FHIT: variants seen among roughly 807,000 people sequenced by gnomAD.
FHIT encodes the protein bis(5'-adenosyl)-triphosphatase.
A neutral mutation model predicts 17.9 loss-of-function variants in FHIT; 19 were observed. That is an observed-to-expected ratio of 1.06 (90% CI 0.74 to 1.56). The LOEUF (loss-of-function observed/expected upper bound fraction) is 1.56, where lower values mean the gene tolerates loss of function less well. Among genes scored for constraint, FHIT ranks in the 40% most tolerant of loss-of-function variants. FHIT has a pLI of 0.00. For missense variants in FHIT, 248 were observed against 189.2 expected, an observed-to-expected ratio of 1.31 and a Z score of -1.82; for synonymous variants, 81 against 69.7, an observed-to-expected ratio of 1.16 and a Z score of -0.81.
chr3:61,207,432 G>A (rs2039282516), intron 1 of FHIT, among the ~76,000 whole-genome samples: 1 of 152,192 alleles, frequency 6.6e-6, no homozygotes, highest in Non-Finnish European at 1.5e-5. Flanking sequence ...GAATTCAGCT[G>A]TGAATCCATC....
Position 60,542,651 on chromosome 3 carries a change from T to A in FHIT, c.-17-5672A>T, listed in dbSNP as rs1056250366. 3.9e-5 allele frequency among the ~76,000 whole-genome samples: 6 copies of A among 152,210 alleles called. No homozygotes were observed. The South Asian group carries it at 1.2e-3, about 32-fold the overall frequency. Reference sequence around the variant, plus strand: ...TTCTAATTTTGTAGAGTCCCTTGTATATTCTAAATATTGATCATGGTCTAT... The same window carrying A: ...TTCTAATTTTGTAGAGTCCCTTGTAAATTCTAAATATTGATCATGGTCTAT... On this transcript the variant is annotated intron_variant, in intron 4 of 9. Transcript: ENST00000492590.
chr3:60,957,799 C>A (rs1385210999), intron 3 of FHIT, among the ~76,000 whole-genome samples: 1 of 152,184 alleles, frequency 6.6e-6, no homozygotes, highest in Non-Finnish European at 1.5e-5. Flanking sequence ...TGGTGCCTAA[C>A]CACAGCACAA....
At chr3:59,974,617 T>C (rs1050185294) in intron 7 of FHIT, among the ~76,000 whole-genome samples, 5 of 152,130 alleles carry the variant, frequency 3.3e-5, no homozygotes, top group Non-Finnish European at 7.4e-5. Flanking sequence ...GATGAGTCTA[T>C]GTAAAGGCAA....
At chr3:60,281,612 A>G (rs559909413) in intron 5 of FHIT, among the ~76,000 whole-genome samples, 2 of 99,998 alleles carry the variant, frequency 2.0e-5, no homozygotes, top group Admixed American at 1.1e-4. Flanking sequence ...CTGGACATCC[A>G]TATGCCAAAA....
At chr3:60,222,977 T>TG (rs1189175097) in intron 5 of FHIT, among the ~76,000 whole-genome samples, 1 of 152,242 alleles carries the variant, frequency 6.6e-6, no homozygotes, top group East Asian at 1.9e-4. Context: ...ATAAAGAGTT[T>TG]GCTAGGACTA....
intron 5 of FHIT, among the ~76,000 whole-genome samples, chr3:60,474,910 ACCG>A (rs1354486310): frequency 1.3e-5 from 2 of 152,172 alleles, no homozygotes; most frequent in Non-Finnish European, 2.9e-5. Flanking sequence ...GGCGTGAGCC[ACCG>A]CACCTGGCCA....
chr3:61,104,859 C>T (rs972068648), intron 2 of FHIT, among the ~76,000 whole-genome samples: 4 of 152,040 alleles, frequency 2.6e-5, no homozygotes, highest in Admixed American at 6.6e-5. Context: ...GTCTATTCTA[C>T]TATTAATACT....
rs1700705750 is a variant in FHIT at position 59,748,224 on chromosome 3, A to G, written c.*1361T>C. 6.6e-6 allele frequency among the ~76,000 whole-genome samples: 1 copy of G among 152,164 alleles called. No individual in the cohort carries two copies. Among genetic ancestry groups the G allele is most frequent in the East Asian group, 1.9e-4 (1 of 5,192 alleles). On this transcript the variant is annotated 3_prime_UTR_variant, in exon 10 of 10. Coordinates refer to ENST00000492590, the MANE Select transcript of FHIT (RefSeq NM_002012.4). ...GGCTGAAATATAAAGTTTAAGATAT[A>G]TATACTAAAATTCAAAAAGTGAATC...
intron 2 of FHIT, among the ~76,000 whole-genome samples, chr3:61,087,421 T>A (rs2035340303): frequency 6.6e-6 from 1 of 152,128 alleles, no homozygotes; most frequent in African/African-American, 2.4e-5. Flanking sequence ...ACTTTCCAGA[T>A]GTATAACTTC....
Position 60,173,915 on chromosome 3 carries a change from A to ATATATATATATATATTTTTTTTTT in FHIT, c.104-159764_104-159763insAAAAAAAAAATATATATATATATA. ...TATATATATATATATATATATATAT[A>ATATATATATATATATTTTTTTTTT]TGTTTTTTTTTTTTTTTGAGATCGA... On this transcript the variant is annotated intron_variant, in intron 5 of 9. Coordinates refer to ENST00000492590, the MANE Select transcript of FHIT (RefSeq NM_002012.4). Among the ~76,000 whole-genome samples the ATATATATATATATATTTTTTTTTT allele has an allele frequency of 7.4e-4, 49 of 66,410 alleles. 1 individual carries two copies. Among genetic ancestry groups the ATATATATATATATATTTTTTTTTT allele is most frequent in the Admixed American group, 1.1e-3 (5 of 4,714 alleles). 43.6% of individuals were successfully genotyped at this position (66,410 alleles called of 152,430 possible).
At chr3:61,078,531 C>A (rs1345184075) in intron 2 of FHIT, among the ~76,000 whole-genome samples, 1 of 152,186 alleles carries the variant, frequency 6.6e-6, no homozygotes, top group African/African-American at 2.4e-5. Flanking sequence ...AATGCTTCAT[C>A]CATCACTTCC....
chr3:60,519,387 A>G lies in FHIT; in HGVS notation c.103+17473T>C, dbSNP rs971484347. On this transcript the variant is annotated intron_variant, in intron 5 of 9. Transcript: ENST00000492590. ...CACCAAATAGTTTGAATATATTTAC[A>G]GTTGGCCCTTGAACAATTAAGGGGC... 3.3e-5 allele frequency among the ~76,000 whole-genome samples: 5 copies of G among 152,336 alleles called. No individual in the cohort carries two copies. The East Asian group carries it at 9.7e-4, about 29-fold the overall frequency.
chr3:60,670,638 G>A (rs2040484669), intron 4 of FHIT, among the ~76,000 whole-genome samples: 3 of 152,298 alleles, frequency 2.0e-5, no homozygotes, highest in South Asian at 4.1e-4. Context: ...GCACTTTGTA[G>A]GGGTGTAATC....
intron 4 of FHIT, among the ~76,000 whole-genome samples, chr3:60,577,217 G>T (rs1371885607): frequency 2.6e-5 from 4 of 152,090 alleles, no homozygotes; most frequent in African/African-American, 4.8e-5. Flanking sequence ...CACTGAGCTA[G>T]TTCAGGGAAC....
chr3:60,992,875 A>T (rs2030357188), intron 3 of FHIT, among the ~76,000 whole-genome samples: 1 of 152,194 alleles, frequency 6.6e-6, no homozygotes, highest in African/African-American at 2.4e-5. Flanking sequence ...ATGTATTTAG[A>T]AAGTACTTTC....
intron 5 of FHIT, among the ~76,000 whole-genome samples, chr3:60,393,104 T>G (rs1186231023): frequency 6.6e-6 from 1 of 152,060 alleles, no homozygotes; most frequent in Non-Finnish European, 1.5e-5. Context: ...CCTTCTGACT[T>G]TTTTCATTTC....
intron 3 of FHIT, among the ~76,000 whole-genome samples, chr3:60,859,604 A>C (rs116356472): frequency 0.021 from 3,125 of 151,608 alleles, 116 homozygotes; most frequent in African/African-American, 0.072. Context: ...CTTCTCAGGC[A>C]CCCTGAAGGC....
intron 5 of FHIT, among the ~76,000 whole-genome samples, chr3:60,329,965 T>C (rs1399357713): frequency 6.6e-6 from 1 of 152,234 alleles, no homozygotes; most frequent in Admixed American, 6.5e-5. Context: ...AACCATTTTA[T>C]TTGGTATCAT....
Position 60,398,165 on chromosome 3 carries a change from T to C in FHIT, c.103+138695A>G, listed in dbSNP as rs147843586. Among the ~76,000 whole-genome samples the C allele has an allele frequency of 5.8e-4, 88 of 152,264 alleles. 1 individual carries two copies. Among genetic ancestry groups the C allele is most frequent in the African/African-American group, 2.0e-3 (84 of 41,554 alleles). On this transcript the variant is annotated intron_variant, in intron 5 of 9. Transcript: ENST00000492590. Reference sequence around the variant, plus strand: ...AGGAGCAAAAAACCCTGCATCACTATTTTTCAAAGTCTCTACTATAGATCT... The same window carrying C: ...AGGAGCAAAAAACCCTGCATCACTACTTTTCAAAGTCTCTACTATAGATCT...
Sources: gnomAD v4.1 joint callset for allele counts (sites outside exome capture counted in the v4.1 genomes callset) on GRCh38, gnomAD v4.1.1 for gene constraint, MANE v1.5 for transcripts, NCBI Gene and HGNC (gene_info 2026-07-23, HGNC 2026-07-21) for gene names.